Variants in ATP8B4 observed in about 807,000 individuals in gnomAD.
ATP8B4 encodes ATPase phospholipid transporting 8B4 (putative).
Under a neutral mutation model 145.6 loss-of-function variants are expected in ATP8B4, and 133 were observed. The observed-to-expected ratio is 0.91, with a 90% confidence interval of 0.79 to 1.05. The LOEUF is 1.05. Among genes scored for constraint, ATP8B4 ranks in the 50% least tolerant of loss-of-function variants. ATP8B4 has a pLI of 0.00. For synonymous variants in ATP8B4, 507 were observed against 492.9 expected (o/e 1.03, Z -0.38); for missense variants, 1,458 against 1,425.2 (o/e 1.02, Z -0.37).
At chr15:50,150,616 C>G (rs1356170981) in intron 1 of ATP8B4, among the ~76,000 whole-genome samples, 1 of 152,234 alleles carries the variant, frequency 6.6e-6, no homozygotes, top group Non-Finnish European at 1.5e-5. Context: ...TGAAGCGAAG[C>G]TCTCAGGCTA....
At chr15:50,083,354 C>CAAA (rs10693471) in intron 2 of ATP8B4, among the ~76,000 whole-genome samples, 2 of 151,580 alleles carry the variant, frequency 1.3e-5, no homozygotes, top group African/African-American at 4.8e-5. Flanking sequence ...TTATCTATAG[C>CAAA]AAAAAAAATG....
upstream of ATP8B4, among the ~76,000 whole-genome samples, chr15:50,119,751 A>ATTTTTTTT (rs2057245446): frequency 1.4e-5 from 1 of 71,098 alleles, no homozygotes; most frequent in African/African-American, 4.7e-5. Context: ...GGTTTTTGTC[A>ATTTTTTTT]CTTTTTTTTT....
At chr15:49,874,968 T>C (rs917182295) in intron 25 of ATP8B4, among the ~76,000 whole-genome samples, 1 of 151,990 alleles carries the variant, frequency 6.6e-6, no homozygotes, top group Non-Finnish European at 1.5e-5. Flanking sequence ...AAACAAATTA[T>C]GGGCAAGCAA....
At chr15:49,933,268 G>C (rs2041427610) in intron 15 of ATP8B4, among the ~76,000 whole-genome samples, 1 of 151,916 alleles carries the variant, frequency 6.6e-6, no homozygotes, top group Non-Finnish European at 1.5e-5. Flanking sequence ...CAGATTTCAA[G>C]AAATAAAATT....
chr15:50,049,030 G>A (rs1600074774), intron 3 of ATP8B4, among the ~76,000 whole-genome samples: 2 of 152,180 alleles, frequency 1.3e-5, no homozygotes, highest in East Asian at 3.8e-4. Flanking sequence ...GCAGTAATTT[G>A]CAGAAAAAGT....
At chr15:50,158,393 G>A (rs2044459786) in intron 1 of ATP8B4, among the ~76,000 whole-genome samples, 1 of 149,492 alleles carries the variant, frequency 6.7e-6, no homozygotes, top group South Asian at 2.1e-4. Flanking sequence ...AGGGAGGTGG[G>A]GGTCAGCCCC....
At chr15:49,939,275 T>A (rs1387310563) in intron 14 of ATP8B4, among the ~76,000 whole-genome samples, 2 of 151,944 alleles carry the variant, frequency 1.3e-5, no homozygotes, top group Non-Finnish European at 2.9e-5. Context: ...CTGAATGCAA[T>A]TGAGACCCAA....
chr15:49,859,130 C>G lies in ATP8B4; in HGVS notation c.*1064G>C, dbSNP rs2153365783. On this transcript the variant is annotated 3_prime_UTR_variant, in exon 28 of 28. Coordinates refer to ENST00000284509, the MANE Select transcript of ATP8B4 (RefSeq NM_024837.4). ...GACTGAAATTTGAGCTGCAACATCTCCAAAAAAACAACCTTACCTACATAT... is the reference window on the plus strand; with the variant it reads ...GACTGAAATTTGAGCTGCAACATCTGCAAAAAAACAACCTTACCTACATAT... 6.6e-6 allele frequency: 1 copy of G among 152,082 alleles called. No homozygotes were observed. Among genetic ancestry groups the G allele is most frequent in the Non-Finnish European group, 1.5e-5 (1 of 68,008 alleles). The allele number at this position is 152,082 out of a possible 1,614,324, so 9.4% of individuals were successfully genotyped here.
intron 3 of ATP8B4, among the ~76,000 whole-genome samples, chr15:50,073,506 TGGTTCCA>T (rs1471125644): frequency 6.6e-6 from 1 of 152,226 alleles, no homozygotes; most frequent in African/African-American, 2.4e-5. Flanking sequence ...GCATTTAGGT[TGGTTCCA>T]GGTCCTTGCT....
intron 17 of ATP8B4, among the ~76,000 whole-genome samples, chr15:49,921,198 C>T (rs2153455355): frequency 6.6e-6 from 1 of 152,184 alleles, no homozygotes; most frequent in Non-Finnish European, 1.5e-5. Flanking sequence ...CTCCGTGAAA[C>T]TTTTTATTTT....
chr15:50,119,757 T>C (rs1472936208), upstream of ATP8B4, among the ~76,000 whole-genome samples: 3 of 120,926 alleles, frequency 2.5e-5, no homozygotes, highest in Non-Finnish European at 5.8e-5. Flanking sequence ...TGTCACTTTT[T>C]TTTTTTTTTT....
chr15:50,157,969 C>T (rs1258615165), intron 1 of ATP8B4, among the ~76,000 whole-genome samples: 1 of 152,220 alleles, frequency 6.6e-6, no homozygotes, highest in Admixed American at 6.5e-5. Flanking sequence ...GTTGGCTGGG[C>T]TGGTCTCCAG....
Position 49,870,993 on chromosome 15 carries a change from C to A in ATP8B4, c.3028-4509G>T, listed in dbSNP as rs1261431932. Reference sequence around the variant, plus strand: ...CCACATGAGTGAGAGAGGTGGGGACCACGAATTCCCTGTACTTACTATGTG... The same window carrying A: ...CCACATGAGTGAGAGAGGTGGGGACAACGAATTCCCTGTACTTACTATGTG... On this transcript the variant is annotated intron_variant, in intron 25 of 27. Transcript: ENST00000284509. Among the ~76,000 whole-genome samples, 52 of 152,182 alleles carry A rather than the reference C, an allele frequency of 3.4e-4. 1 individual carries two copies. The highest frequency in any genetic ancestry group is 3.9e-4 in the East Asian group (2 of 5,190).
At chr15:49,864,852 T>C (rs2032506640) in intron 26 of ATP8B4, among the ~76,000 whole-genome samples, 1 of 152,328 alleles carries the variant, frequency 6.6e-6, no homozygotes, top group Middle Eastern at 3.4e-3. Context: ...TCCTCATAAA[T>C]TTTCCATGAA....
At chr15:50,083,608 GA>G (rs1212787391) in intron 2 of ATP8B4, among the ~76,000 whole-genome samples, 1 of 152,172 alleles carries the variant, frequency 6.6e-6, no homozygotes, top group Non-Finnish European at 1.5e-5. Context: ...ATAAAAGAAA[GA>G]CAGGCAAGAA....
At chr15:50,003,677 C>T (rs2048086143) in intron 7 of ATP8B4, among the ~76,000 whole-genome samples, 1 of 152,114 alleles carries the variant, frequency 6.6e-6, no homozygotes, top group South Asian at 2.1e-4. Flanking sequence ...CCTCTCCTCC[C>T]CTGGGCTTAA....
At chr15:50,087,336 T>TGTA (rs2055268305) in intron 2 of ATP8B4, among the ~76,000 whole-genome samples, 1 of 27,274 alleles carries the variant, frequency 3.7e-5, no homozygotes, top group Admixed American at 3.4e-4. Flanking sequence ...TATATTTATA[T>TGTA]ATAATATAGA....
chr15:49,961,910 A>C, intron 14 of ATP8B4, 67 bp downstream of exon 14: 1 of 1,356,386 alleles, frequency 7.4e-7, no homozygotes, highest in African/African-American at 1.5e-5. Context: ...CTAAAAGTTT[A>C]TCATTTTCTT....
At chr15:49,940,048 A>G (rs529013330) in intron 14 of ATP8B4, among the ~76,000 whole-genome samples, 3 of 152,204 alleles carry the variant, frequency 2.0e-5, no homozygotes, top group Non-Finnish European at 4.4e-5. Context: ...ATTACTGGGT[A>G]TCTACCCAAA....
Sources: allele counts gnomAD v4.1 joint callset (sites outside exome capture counted in the v4.1 genomes callset), GRCh38; gene constraint gnomAD v4.1.1; transcripts MANE v1.5; gene names NCBI Gene and HGNC (gene_info 2026-07-23, HGNC 2026-07-21).